CSMD1: variants seen among roughly 807,000 people sequenced by gnomAD.
CSMD1 encodes the protein CUB and sushi domain-containing protein 1.
A neutral mutation model predicts 417.5 loss-of-function variants in CSMD1; 213 were observed. That is an observed-to-expected ratio of 0.51 (90% CI 0.46 to 0.57). CSMD1 has a LOEUF of 0.57. CSMD1 is among the 20% of genes least tolerant of loss of function. The pLI, the probability that CSMD1 is intolerant of heterozygous loss-of-function variation, is 0.00. For synonymous variants in CSMD1, 2,862 were observed against 1,736.8 expected, an observed-to-expected ratio of 1.65 and a Z score of -16.11; for missense variants, 6,923 against 4,529.7, an observed-to-expected ratio of 1.53 and a Z score of -15.17.
intron 1 of CSMD1, among the ~76,000 whole-genome samples, chr8:4,874,992 C>T (rs1262590244): frequency 6.6e-6 from 1 of 150,838 alleles, no homozygotes; most frequent in Non-Finnish European, 1.5e-5. Context: ...CTTTCCCTTC[C>T]CTTCCCTTCT....
chr8:3,951,526 T>C (rs950529061), intron 5 of CSMD1, among the ~76,000 whole-genome samples: 2 of 152,076 alleles, frequency 1.3e-5, no homozygotes, highest in African/African-American at 2.4e-5. Context: ...AAATTAACCA[T>C]GTAAATATGA....
intron 1 of CSMD1, among the ~76,000 whole-genome samples, chr8:4,961,670 T>C (rs895362794): frequency 4.6e-5 from 7 of 152,148 alleles, no homozygotes; most frequent in Non-Finnish European, 8.8e-5. Flanking sequence ...ACAAGTTGTA[T>C]AGAGTAATTT....
chr8:4,085,293 T>C (rs1221875948), intron 3 of CSMD1, among the ~76,000 whole-genome samples: 1 of 152,064 alleles, frequency 6.6e-6, no homozygotes, highest in East Asian at 1.9e-4. Context: ...AACATCCTTA[T>C]CTAGTTAGGA....
chr8:4,732,612 G>C (rs1809976419), intron 1 of CSMD1, among the ~76,000 whole-genome samples: 1 of 152,104 alleles, frequency 6.6e-6, no homozygotes, highest in African/African-American at 2.4e-5. Context: ...CCAGACAGCA[G>C]AAGACACTAA....
intron 3 of CSMD1, among the ~76,000 whole-genome samples, chr8:4,182,152 A>G (rs771769457): frequency 3.3e-4 from 50 of 152,230 alleles, no homozygotes; most frequent in African/African-American, 8.9e-4. Flanking sequence ...AAAAAACAAC[A>G]TAGCACCAAC....
At chr8:3,382,454 A>C (rs1417565562) in intron 18 of CSMD1, among the ~76,000 whole-genome samples, 4 of 137,604 alleles carry the variant, frequency 2.9e-5, no homozygotes, top group Middle Eastern at 3.9e-3. Flanking sequence ...ATAATATAAT[A>C]TATATAATAT....
chr8:4,291,838 G>A (rs1487643834), intron 3 of CSMD1, among the ~76,000 whole-genome samples: 1 of 152,140 alleles, frequency 6.6e-6, no homozygotes, highest in African/African-American at 2.4e-5. Context: ...TATGGCCTTT[G>A]CAAAATAATT....
chr8:4,909,666 C>T (rs1459185942), intron 1 of CSMD1, among the ~76,000 whole-genome samples: 1 of 152,136 alleles, frequency 6.6e-6, no homozygotes, highest in Non-Finnish European at 1.5e-5. Flanking sequence ...CCTAAGACTG[C>T]ACACCCCCGG....
intron 3 of CSMD1, among the ~76,000 whole-genome samples, chr8:4,388,222 G>T (rs1018436524): frequency 4.0e-5 from 6 of 151,834 alleles, no homozygotes; most frequent in African/African-American, 1.5e-4. Context: ...TTGCACATGC[G>T]TGTTTACAGT....
Position 3,227,285 on chromosome 8 carries a change from C to T in CSMD1, c.4345+2755G>A, listed in dbSNP as rs898493333. Among the ~76,000 whole-genome samples, 5 of 148,352 alleles carry T rather than the reference C, an allele frequency of 3.4e-5. 1 individual carries two copies. The Admixed American group carries it at 3.4e-4, about 10-fold the overall frequency. On this transcript the variant is annotated intron_variant, in intron 27 of 69. Coordinates refer to ENST00000635120, the MANE Select transcript of CSMD1 (RefSeq NM_033225.6). ...GCTTGGTGGTGGGCGCCTGTAATCC[C>T]AGCTACTTGGGAGGCTGAGGCAGGA...
intron 12 of CSMD1, among the ~76,000 whole-genome samples, chr8:3,455,191 G>C (rs1485567448): frequency 6.6e-6 from 1 of 152,026 alleles, no homozygotes; most frequent in South Asian, 2.1e-4. Flanking sequence ...CTCTGCATTG[G>C]TTATTCTAGT....
chr8:4,768,840 G>A (rs1796457360), intron 1 of CSMD1, among the ~76,000 whole-genome samples: 1 of 152,162 alleles, frequency 6.6e-6, no homozygotes, highest in Non-Finnish European at 1.5e-5. Context: ...TTATTCATAT[G>A]GGAAGGGGAG....
intron 2 of CSMD1, among the ~76,000 whole-genome samples, chr8:4,536,751 G>T (rs1429202058): frequency 6.6e-6 from 1 of 152,020 alleles, no homozygotes; most frequent in Non-Finnish European, 1.5e-5. Context: ...ATATATTTTT[G>T]AATAGATTCC....
intron 3 of CSMD1, among the ~76,000 whole-genome samples, chr8:4,254,424 G>C (rs547150925): frequency 1.3e-5 from 2 of 152,170 alleles, no homozygotes; most frequent in African/African-American, 4.8e-5. Context: ...AGTCCCCTTA[G>C]ATTATAGTGG....
In CSMD1 at chr8:4,925,213, T is replaced by TG. The variant is rs1220354563; in HGVS notation, c.85+69118dup. Among the ~76,000 whole-genome samples, 14 of 115,316 alleles carry TG rather than the reference T, an allele frequency of 1.2e-4. No homozygotes were observed. The East Asian group carries it at 2.0e-3, about 16-fold the overall frequency. 75.7% of individuals were successfully genotyped at this position (115,316 alleles called of 152,430 possible). The stretch of plus-strand genomic sequence containing the variant: ...TAAAACATGGTGAATACCAGTTTTA[T>TG]GGTTTTTTTTTTTTTTTTTTTTTTT... On this transcript the variant is annotated intron_variant, in intron 1 of 69. Coordinates refer to ENST00000635120, the MANE Select transcript of CSMD1 (RefSeq NM_033225.6).
At chr8:3,158,241 T>C (rs1229118943) in intron 38 of CSMD1, among the ~76,000 whole-genome samples, 6 of 152,254 alleles carry the variant, frequency 3.9e-5, no homozygotes, top group East Asian at 1.9e-4. Context: ...AGCTCCTTTC[T>C]TGATACTTAA....
chr8:3,434,329 T>C (rs181640920), intron 12 of CSMD1, among the ~76,000 whole-genome samples: 1 of 152,356 alleles, frequency 6.6e-6, no homozygotes, highest in East Asian at 1.9e-4. Context: ...TAGATGTTCC[T>C]ATATGTAATA....
intron 3 of CSMD1, among the ~76,000 whole-genome samples, chr8:4,358,515 G>C (rs1018062343): frequency 1.3e-5 from 2 of 152,202 alleles, no homozygotes; most frequent in African/African-American, 4.8e-5. Flanking sequence ...TACCAGCAGA[G>C]CTCCGCAGAT....
Position 3,767,061 on chromosome 8 carries a change from A to T in CSMD1, c.819-13019T>A, listed in dbSNP as rs1196504829. On this transcript the variant is annotated intron_variant, in intron 5 of 69. Transcript: ENST00000635120. ...CGGAGCTCTTCAGCTGCTTTTCAGCATCACTGCCTGCCTCCTGCAGACCCA... is the reference window on the plus strand; with the variant it reads ...CGGAGCTCTTCAGCTGCTTTTCAGCTTCACTGCCTGCCTCCTGCAGACCCA... 1.3e-5 allele frequency among the ~76,000 whole-genome samples: 2 copies of T among 152,192 alleles called. 1 individual carries two copies. The highest frequency in any genetic ancestry group is 2.9e-5 in the Non-Finnish European group (2 of 68,040).
Sources: allele counts gnomAD v4.1 joint callset (sites outside exome capture counted in the v4.1 genomes callset), GRCh38; gene constraint gnomAD v4.1.1; transcripts MANE v1.5; gene names NCBI Gene and HGNC (gene_info 2026-07-23, HGNC 2026-07-21).